The following ZFHX3 variants were observed in gnomAD, a reference collection of about 807,000 sequenced individuals.
ZFHX3 encodes the protein zinc finger homeobox protein 3.
Under a neutral mutation model 279.1 loss-of-function variants are expected in ZFHX3, and 42 were observed. The observed-to-expected ratio is 0.15, with a 90% CI of 0.12 to 0.19. The LOEUF (loss-of-function observed/expected upper bound fraction) is 0.19, where lower values mean the gene tolerates loss of function less well. Ranked by LOEUF, ZFHX3 falls within the 10% of genes least tolerant of loss-of-function variation. ZFHX3 has a pLI of 1.00. For missense variants in ZFHX3, 4,981 were observed against 4,754.0 expected (o/e 1.05, Z -1.40); for synonymous variants, 2,293 against 1,957.8 (o/e 1.17, Z -4.52).
intron 3 of ZFHX3, among the ~76,000 whole-genome samples, chr16:72,939,866 C>G (rs1960325182): frequency 6.6e-6 from 1 of 152,172 alleles, no homozygotes; most frequent in Admixed American, 6.5e-5. Context: ...CAGCCTTGAC[C>G]TCCTCGGCTC....
chr16:73,132,927 T>C (rs977564365), intron 6 of ZFHX3, among the ~76,000 whole-genome samples: 1 of 152,208 alleles, frequency 6.6e-6, no homozygotes, highest in Non-Finnish European at 1.5e-5. Flanking sequence ...TGGCCGATCG[T>C]GATGGAGAAA....
At chr16:73,393,222 T>G (rs544138707) in intron 3 of ZFHX3, among the ~76,000 whole-genome samples, 1 of 152,340 alleles carries the variant, frequency 6.6e-6, no homozygotes, top group South Asian at 2.1e-4. Flanking sequence ...ATGTTGGGAT[T>G]ACAGATGGGA....
chr16:73,058,619 G>A, exon 1 of ZFHX3: 1 of 240,140 alleles, frequency 4.2e-6, no homozygotes, highest in Non-Finnish European at 8.0e-6. Flanking sequence ...ATCCCGAAAA[G>A]AGGCGCTCGG....
rs2053324965 is a variant in ZFHX3, at chr16:73,708,235, T to A, written c.-1607-27995A>T. Reference sequence around the variant, plus strand: ...GAAGTCTCCGTTTTATCAATACTTTTTGATCTTTTAATCTTACTAAATTGA... The same window carrying A: ...GAAGTCTCCGTTTTATCAATACTTTATGATCTTTTAATCTTACTAAATTGA... On this transcript the variant is annotated intron_variant, in intron 1 of 17. Coordinates refer to the ZFHX3 transcript ENST00000641206. Among the ~76,000 whole-genome samples the A allele has an allele frequency of 2.0e-5, 3 of 152,202 alleles. No individual in the cohort carries two copies. In the South Asian group the frequency reaches 6.2e-4, roughly 31 times the overall value.
chr16:72,949,344 G>GA (rs1960860951), intron 3 of ZFHX3, among the ~76,000 whole-genome samples: 1 of 152,148 alleles, frequency 6.6e-6, no homozygotes, highest in African/African-American at 2.4e-5. Context: ...TGGGAGTGAG[G>GA]AAAATGAAAA....
At chr16:73,343,653 G>T (rs908385025) in intron 3 of ZFHX3, among the ~76,000 whole-genome samples, 8 of 152,142 alleles carry the variant, frequency 5.3e-5, no homozygotes, top group Non-Finnish European at 1.0e-4. Flanking sequence ...TTGAGCCCAG[G>T]AGTTAACGTG....
At chr16:73,735,795 C>T (rs2142254372) in intron 1 of ZFHX3, among the ~76,000 whole-genome samples, 1 of 152,258 alleles carries the variant, frequency 6.6e-6, no homozygotes, top group Middle Eastern at 3.4e-3. Context: ...GAGCTGTTTC[C>T]CATCATCCCC....
At position 72,959,382 on chromosome 16, in the gene ZFHX3, C is replaced by A. The variant is rs539674429; in HGVS notation, c.764G>T (p.Cys255Phe). ...LNSDGSAKSS[C>F]VSKDVPNNVD... The stretch of plus-strand genomic sequence containing the variant: ...ATTGTTGGGAACATCTTTGGATACG[C>A]AGGAGCTTTTGGCAGAACCGTCGCT... The change falls in exon 2 of 10, where the codon TGC becomes TTC. Residue 255 changes from cysteine (C) to phenylalanine (F), a missense_variant. Physicochemically the swap from Cys to Phe is radical, Grantham distance 205. Transcript: ENST00000268489. 9 of 1,614,234 alleles carry A rather than the reference C, an allele frequency of 5.6e-6. No homozygotes were observed. The African/African-American group carries it at 1.2e-4, about 22-fold the overall frequency.
intron 1 of ZFHX3, among the ~76,000 whole-genome samples, chr16:73,805,321 A>G (rs1448298287): frequency 2.0e-5 from 3 of 152,134 alleles, no homozygotes; most frequent in African/African-American, 7.2e-5. Context: ...GGCACCTGCC[A>G]CTACGCCTGG....
chr16:73,709,929 C>A (rs1259797955), intron 1 of ZFHX3, among the ~76,000 whole-genome samples: 1 of 152,174 alleles, frequency 6.6e-6, no homozygotes, highest in African/African-American at 2.4e-5. Context: ...TGCCTGTAAT[C>A]CCAGCACTTT....
At chr16:73,626,595 C>G (rs1476207421) in intron 2 of ZFHX3, among the ~76,000 whole-genome samples, 4 of 152,168 alleles carry the variant, frequency 2.6e-5, no homozygotes, top group African/African-American at 9.7e-5. Flanking sequence ...GAAGACCTAG[C>G]CATAGGATCA....
intron 5 of ZFHX3, among the ~76,000 whole-genome samples, chr16:73,218,206 T>C (rs747790158): frequency 6.6e-6 from 1 of 152,174 alleles, no homozygotes; most frequent in Non-Finnish European, 1.5e-5. Flanking sequence ...AGAAAAATTG[T>C]GTAGTGTGTC....
At chr16:73,415,087 T>A (rs1349453469) in intron 3 of ZFHX3, among the ~76,000 whole-genome samples, 1 of 152,228 alleles carries the variant, frequency 6.6e-6, no homozygotes, top group Non-Finnish European at 1.5e-5. Context: ...GGAGCCAAAG[T>A]TCCCTTTTGT....
intron 2 of ZFHX3, among the ~76,000 whole-genome samples, chr16:73,555,767 G>T (rs1391335054): frequency 1.3e-5 from 2 of 151,770 alleles, no homozygotes; most frequent in Non-Finnish European, 2.9e-5. Flanking sequence ...AGGAGGCGGA[G>T]GTTGCAGTGA....
At chr16:72,960,439 A>G (rs1310154395) in intron 1 of ZFHX3, among the ~76,000 whole-genome samples, 2 of 152,206 alleles carry the variant, frequency 1.3e-5, no homozygotes, top group Non-Finnish European at 2.9e-5. Context: ...GGCCAGGAAC[A>G]GCCCTCTTCG....
At chr16:73,100,279 C>A (rs1223497049) in intron 7 of ZFHX3, among the ~76,000 whole-genome samples, 1 of 152,152 alleles carries the variant, frequency 6.6e-6, no homozygotes, top group African/African-American at 2.4e-5. Flanking sequence ...CCCTGACATA[C>A]TCTAGAACAG....
At chr16:73,305,968 C>T (rs2015171439) in intron 4 of ZFHX3, among the ~76,000 whole-genome samples, 1 of 152,206 alleles carries the variant, frequency 6.6e-6, no homozygotes, top group African/African-American at 2.4e-5. Context: ...AACTGTGAAA[C>T]AGACAGGAAT....
At chr16:72,885,462 T>A (rs1475606386) in intron 4 of ZFHX3, among the ~76,000 whole-genome samples, 1 of 152,228 alleles carries the variant, frequency 6.6e-6, no homozygotes, top group Non-Finnish European at 1.5e-5. Context: ...ACCCACAGGT[T>A]CACATGGGTT....
chr16:73,513,919 A>G (rs2019477025), intron 2 of ZFHX3, among the ~76,000 whole-genome samples: 1 of 152,108 alleles, frequency 6.6e-6, no homozygotes, highest in Non-Finnish European at 1.5e-5. Context: ...AGTTTCAGAG[A>G]GGCAGAAAGG....
Sources: gnomAD v4.1 joint callset for allele counts (sites outside exome capture counted in the v4.1 genomes callset) on GRCh38, gnomAD v4.1.1 for gene constraint, MANE v1.5 for transcripts, NCBI Gene and HGNC (gene_info 2026-07-23, HGNC 2026-07-21) for gene names.